The following ROBO1 variants were observed in gnomAD, a reference collection of about 807,000 sequenced individuals.
ROBO1 encodes roundabout homolog 1.
ROBO1 carries 149 observed loss-of-function variants against 195.9 expected under a neutral mutation model. The ratio of observed to expected loss-of-function variants is 0.76; its 90% confidence interval spans 0.67 to 0.87. ROBO1 has a LOEUF of 0.87. Among genes scored for constraint, ROBO1 ranks in the 40% least tolerant of loss-of-function variants. The pLI is 0.00. For missense variants in ROBO1, 1,933 were observed against 2,068.3 expected, an observed-to-expected ratio of 0.93 and a Z score of 1.27; for synonymous variants, 816 against 733.2, an observed-to-expected ratio of 1.11 and a Z score of -1.82.
chr3:79,684,784 T>A (rs1046556135), intron 1 of ROBO1, among the ~76,000 whole-genome samples: 3 of 152,020 alleles, frequency 2.0e-5, no homozygotes, highest in African/African-American at 7.2e-5. Flanking sequence ...CAAGCAATTC[T>A]CCTGCCTCAG....
At chr3:78,997,561 G>T (rs1477862071) in intron 3 of ROBO1, among the ~76,000 whole-genome samples, 1 of 152,122 alleles carries the variant, frequency 6.6e-6, no homozygotes, top group Non-Finnish European at 1.5e-5. Context: ...TAGGCACACA[G>T]AGATCAAGAA....
At chr3:79,429,996 C>T (rs1298628447) in intron 2 of ROBO1, among the ~76,000 whole-genome samples, 4 of 151,734 alleles carry the variant, frequency 2.6e-5, no homozygotes, top group Non-Finnish European at 5.9e-5. Flanking sequence ...TAACTTTTCT[C>T]TCTCTCCTTT....
At chr3:79,709,723 T>C (rs1405110910) in intron 1 of ROBO1, among the ~76,000 whole-genome samples, 1 of 152,132 alleles carries the variant, frequency 6.6e-6, no homozygotes, top group African/African-American at 2.4e-5. Flanking sequence ...CAAATTCAAA[T>C]GTTGAAACCG....
At chr3:78,761,798 T>C (rs1246954075) in intron 4 of ROBO1, among the ~76,000 whole-genome samples, 1 of 152,138 alleles carries the variant, frequency 6.6e-6, no homozygotes, top group Non-Finnish European at 1.5e-5. Context: ...TTACCGATCA[T>C]TCATTTTGGC....
chr3:79,719,144 T>C (rs1156491843), intron 1 of ROBO1, among the ~76,000 whole-genome samples: 1 of 151,760 alleles, frequency 6.6e-6, no homozygotes, highest in Non-Finnish European at 1.5e-5. Flanking sequence ...AGTACAGTTC[T>C]AAGGAACTAG....
At chr3:79,095,963 A>C (rs991677339) in intron 3 of ROBO1, among the ~76,000 whole-genome samples, 1 of 151,972 alleles carries the variant, frequency 6.6e-6, no homozygotes, top group African/African-American at 2.4e-5. Context: ...GTAGTTGTTA[A>C]CCATTTATCT....
chr3:78,969,711 C>T (rs1013021938), intron 3 of ROBO1, among the ~76,000 whole-genome samples: 3 of 152,114 alleles, frequency 2.0e-5, no homozygotes, highest in African/African-American at 7.2e-5. Context: ...TAATCCCTCA[C>T]ATTTTCTGAA....
At chr3:79,588,363 G>T (rs1364677820) in intron 2 of ROBO1, among the ~76,000 whole-genome samples, 1 of 151,560 alleles carries the variant, frequency 6.6e-6, no homozygotes. Context: ...CCACTAGACA[G>T]ACACAGGTGG....
chr3:79,584,157 T>C (rs572608519), intron 2 of ROBO1, among the ~76,000 whole-genome samples: 6 of 151,412 alleles, frequency 4.0e-5, no homozygotes, highest in Middle Eastern at 3.2e-3. Context: ...ATAGATAGAG[T>C]CTGAGTCAAG....
intron 1 of ROBO1, among the ~76,000 whole-genome samples, chr3:79,723,496 G>T (rs1295499300): frequency 6.6e-6 from 1 of 152,102 alleles, no homozygotes; most frequent in East Asian, 1.9e-4. Context: ...CAAGATAAAT[G>T]TATAGGTGAA....
At chr3:79,028,253 C>A (rs2078236474) in intron 3 of ROBO1, among the ~76,000 whole-genome samples, 1 of 151,830 alleles carries the variant, frequency 6.6e-6, no homozygotes, top group African/African-American at 2.4e-5. Flanking sequence ...ATGCTATCAG[C>A]ATTTTGTTGT....
At chr3:79,174,682 T>A (rs2081233953) in intron 2 of ROBO1, among the ~76,000 whole-genome samples, 1 of 150,270 alleles carries the variant, frequency 6.7e-6, no homozygotes, top group African/African-American at 2.5e-5. Flanking sequence ...GAAACCTTAC[T>A]GAAACCCCGT....
At chr3:79,602,310 A>G (rs1230500299) in intron 1 of ROBO1, among the ~76,000 whole-genome samples, 1 of 152,028 alleles carries the variant, frequency 6.6e-6, no homozygotes, top group African/African-American at 2.4e-5. Context: ...GATGTAACAA[A>G]AAGATTCATA....
intron 2 of ROBO1, among the ~76,000 whole-genome samples, chr3:79,228,556 A>T (rs2108845093): frequency 6.6e-6 from 1 of 152,226 alleles, no homozygotes; most frequent in South Asian, 2.1e-4. Context: ...GGAGATTTTT[A>T]AAAAACCTGT....
chr3:79,081,878 A>C (rs2079281236), intron 3 of ROBO1, among the ~76,000 whole-genome samples: 1 of 152,204 alleles, frequency 6.6e-6, no homozygotes, highest in South Asian at 2.1e-4. Flanking sequence ...TTAAAGGATT[A>C]AATGATATAA....
chr3:78,712,044 A>C (rs1292144478), intron 8 of ROBO1, among the ~76,000 whole-genome samples: 1 of 149,468 alleles, frequency 6.7e-6, no homozygotes, highest in Non-Finnish European at 1.5e-5. Context: ...AAAAAAAAAA[A>C]AAAAAACTCT....
At chr3:79,190,604 T>C (rs1186081606) in intron 2 of ROBO1, among the ~76,000 whole-genome samples, 1 of 151,608 alleles carries the variant, frequency 6.6e-6, no homozygotes, top group Admixed American at 6.6e-5. Context: ...GTTGCATTGT[T>C]TTCCATTTCT....
At chr3:78,926,020 A>C (rs75893716) in intron 4 of ROBO1, among the ~76,000 whole-genome samples, 4 of 151,616 alleles carry the variant, frequency 2.6e-5, no homozygotes, top group African/African-American at 9.7e-5. Context: ...CCAGATGCCC[A>C]CCCCCACACA....
chr3:78,927,865 T>G (rs2039304077), intron 4 of ROBO1, among the ~76,000 whole-genome samples: 1 of 152,180 alleles, frequency 6.6e-6, no homozygotes, highest in East Asian at 1.9e-4. Flanking sequence ...TTTTCAGCAT[T>G]TGCCTTTCTG....
Sources: allele counts gnomAD v4.1 joint callset (sites outside exome capture counted in the v4.1 genomes callset), GRCh38; gene constraint gnomAD v4.1.1; transcripts MANE v1.5; gene names NCBI Gene and HGNC (gene_info 2026-07-23, HGNC 2026-07-21).